SEC14L4: variants seen among roughly 807,000 people sequenced by gnomAD.
The protein encoded by SEC14L4 is SEC14 like lipid binding 4, also known as SEC14-like protein 4.
SEC14L4 carries 42 observed loss-of-function variants against 55.1 expected under a neutral mutation model. That is an observed-to-expected ratio of 0.76 (90% CI 0.60 to 0.99). The LOEUF (loss-of-function observed/expected upper bound fraction) is 0.99. Among genes scored for constraint, SEC14L4 ranks in the 50% least tolerant of loss-of-function variants. SEC14L4 has a pLI of 0.00. For missense variants in SEC14L4, 445 were observed against 512.1 expected (o/e 0.87, Z 1.27); for synonymous variants, 206 against 206.8 (o/e 1.00, Z 0.03).
intron 2 of SEC14L4, among the ~76,000 whole-genome samples, chr22:30,497,517 C>A (rs1936188612): frequency 6.6e-6 from 1 of 150,734 alleles, no homozygotes; most frequent in Non-Finnish European, 1.5e-5. Flanking sequence ...TGAGTGAGAC[C>A]CTGTCTGAAA....
chr22:30,490,965 G>C (rs906295251), intron 11 of SEC14L4, among the ~76,000 whole-genome samples: 1 of 152,178 alleles, frequency 6.6e-6, no homozygotes, highest in African/African-American at 2.4e-5. Flanking sequence ...GAGTCGTGCA[G>C]ACTTGTCTGT....
At chr22:30,497,042 C>T (rs1403060350) in intron 2 of SEC14L4, among the ~76,000 whole-genome samples, 2 of 151,994 alleles carry the variant, frequency 1.3e-5, no homozygotes. Flanking sequence ...TGAAACAGTT[C>T]CAGAAATCAC....
At chr22:30,500,873 C>T (rs558906181) in intron 2 of SEC14L4, among the ~76,000 whole-genome samples, 47 of 142,434 alleles carry the variant, frequency 3.3e-4, no homozygotes, top group African/African-American at 1.1e-3. Flanking sequence ...CTAATGGAAC[C>T]GACAGACAGA....
intron 2 of SEC14L4, among the ~76,000 whole-genome samples, chr22:30,498,977 G>A (rs1936236043): frequency 6.6e-6 from 1 of 151,782 alleles, no homozygotes; most frequent in African/African-American, 2.4e-5. Flanking sequence ...GTCTCGCTCT[G>A]TCGCCCAGGC....
intron 2 of SEC14L4, among the ~76,000 whole-genome samples, chr22:30,496,963 T>C (rs1434494250): frequency 1.3e-5 from 2 of 152,162 alleles, no homozygotes; most frequent in Non-Finnish European, 1.5e-5. Flanking sequence ...GCTGAAACAA[T>C]ATGCGGGGTC....
rs1936081123 is a variant in SEC14L4 at position 30,494,719 on chromosome 22, C to G, written c.519+147G>C. The G allele has an allele frequency of 8.1e-6, 5 of 619,240 alleles. No homozygotes were observed. The East Asian group carries it at 1.1e-4, about 14-fold the overall frequency. The allele number at this position is 619,240 out of a possible 1,614,324, so 38.4% of individuals were successfully genotyped here. A position where few individuals can be genotyped will look rare whatever the true frequency, so the allele number is the denominator to read the frequency against. ...CCCCTTTCTCCGTGGAGGGTGGTCTCTAGGCCAGCATCATTGGCTGGTCTG... is the reference window on the plus strand; with the variant it reads ...CCCCTTTCTCCGTGGAGGGTGGTCTGTAGGCCAGCATCATTGGCTGGTCTG... On this transcript the variant is annotated intron_variant, in intron 6 of 11. Coordinates refer to ENST00000255858, the MANE Select transcript of SEC14L4 (RefSeq NM_174977.4).
Position 30,495,270 on chromosome 22 carries a change from T to C in SEC14L4, c.407A>G (p.Glu136Gly). 6.2e-7 allele frequency: 1 copy of C among 1,611,614 alleles called. No homozygotes were observed. The highest frequency in any genetic ancestry group is 1.7e-4 in the Middle Eastern group (1 of 6,050). Reference sequence around the variant, plus strand: ...GCTGCTCACCTTCTGAGTTTGCAGCTCACACTCATGCAACAGCAGCTCACA... The same window carrying C: ...GCTGCTCACCTTCTGAGTTTGCAGCCCACACTCATGCAACAGCAGCTCACA... ...KVCELLLHEC[E>G]LQTQKLGRKI... is the part of the protein sequence containing the mutation. Residue 136 changes from glutamate to glycine, a missense_variant, in exon 5 of 12, where the codon GAG (glutamate) becomes GGG (glycine). Transcript: ENST00000255858.
intron 1 of SEC14L4, among the ~76,000 whole-genome samples, chr22:30,505,077 A>G (rs1284502026): frequency 1.3e-5 from 2 of 151,648 alleles, no homozygotes; most frequent in East Asian, 3.9e-4. Context: ...GGTTGCAGTG[A>G]ACCGAGATTG....
Position 30,489,870 on chromosome 22 carries a change from C to A in SEC14L4, c.*237G>T. On this transcript the variant is annotated 3_prime_UTR_variant, in exon 12 of 12. Transcript: ENST00000255858. ...TCATCTTCAGCGTTCTCATTCTCAGCCGCATTCTCTGGGAACAGGGAAAGA... is the reference window on the plus strand; with the variant it reads ...TCATCTTCAGCGTTCTCATTCTCAGACGCATTCTCTGGGAACAGGGAAAGA... 1 of 1,551,754 alleles carries A rather than the reference C, an allele frequency of 6.4e-7. No individual in the cohort carries two copies. Among genetic ancestry groups the A allele is most frequent in the South Asian group, 1.2e-5 (1 of 84,066 alleles).
rs373032648 is a variant in SEC14L4, at chr22:30,492,146, T to C, written c.674A>G (p.Lys225Arg). Residue 225 changes from lysine to arginine, a missense_variant, in exon 9 of 12, where the codon AAG becomes AGG. Lys to Arg is a conservative substitution (Grantham distance 26). Coordinates refer to ENST00000255858, the MANE Select transcript of SEC14L4 (RefSeq NM_174977.4). The stretch of plus-strand genomic sequence containing the variant: ...GCTGATGAATTTTGTCAGCTCCTGC[T>C]TCCAGTTGTCTGCATGGGAGCAAGA... Reference protein sequence around the residue: ...RKIVILGDNWKQELTKFISPD... With the variant: ...RKIVILGDNWRQELTKFISPD... 67 of 1,611,658 alleles carry C rather than the reference T, an allele frequency of 4.2e-5. No individual in the cohort carries two copies. The highest frequency in any genetic ancestry group is 5.7e-5 in the Non-Finnish European group (67 of 1,178,850).
intron 2 of SEC14L4, among the ~76,000 whole-genome samples, chr22:30,498,095 G>A (rs986275096): frequency 1.5e-5 from 2 of 131,972 alleles, no homozygotes; most frequent in African/African-American, 2.8e-5. Flanking sequence ...CTTTGTTGCT[G>A]TTTTGAATGG....
intron 1 of SEC14L4, among the ~76,000 whole-genome samples, chr22:30,504,912 C>T (rs1389271341): frequency 1.3e-5 from 2 of 151,958 alleles, no homozygotes; most frequent in Admixed American, 6.6e-5. Context: ...GTCAGGAGTT[C>T]GAGACCAGCC....
In SEC14L4 at chr22:30,495,245, G is replaced by T; in HGVS notation, c.423+9C>A. 1 of 1,596,746 alleles carries T rather than the reference G, an allele frequency of 6.3e-7. No individual in the cohort carries two copies. The highest frequency in any genetic ancestry group is 1.7e-5 in the Admixed American group (1 of 58,866). On this transcript the variant is annotated intron_variant, in intron 5 of 11. Transcript: ENST00000255858. ...ACAGATGAGGCCCAGCCCCACCCCC[G>T]CTGCTCACCTTCTGAGTTTGCAGCT...
chr22:30,491,465 C>T (rs1284421431), intron 11 of SEC14L4, 108 bp downstream of exon 11: 1 of 1,352,906 alleles, frequency 7.4e-7, no homozygotes, highest in East Asian at 2.3e-5. Flanking sequence ...AAGCTGGCTC[C>T]CCTGGAGCTT....
rs374774764 is a variant in SEC14L4, at chr22:30,491,966, T to C, written c.779A>G (p.Tyr260Cys). The stretch of plus-strand genomic sequence containing the variant: ...GTAGCTCTTGGGCACCTCACCCCCA[T>C]AGTTGATCTGTGGGTGAAGGGGGTG... ...GNPKCLTKIN[Y>C]GGEVPKSYYL... The change falls in exon 10 of 12, where the codon TAT (tyrosine) becomes TGT (cysteine). Residue 260 changes from tyrosine to cysteine, a missense_variant. Coordinates refer to ENST00000255858, the MANE Select transcript of SEC14L4 (RefSeq NM_174977.4). The C allele has an allele frequency of 3.6e-5, 58 of 1,613,782 alleles. No homozygotes were observed. The Middle Eastern group carries it at 6.6e-4, about 18-fold the overall frequency.
chr22:30,497,900 G>A (rs117485931), intron 2 of SEC14L4, among the ~76,000 whole-genome samples: 2,665 of 152,198 alleles, frequency 0.018, 51 homozygotes, highest in Middle Eastern at 0.051. Flanking sequence ...CTGAGGCTAC[G>A]GAGCAATAGA....
chr22:30,495,539 G>T (rs377261387), intron 4 of SEC14L4, 44 bp downstream of exon 4: 42 of 1,611,254 alleles, frequency 2.6e-5, no homozygotes, highest in Admixed American at 3.3e-5. Flanking sequence ...GATGTCAGGG[G>T]TGAGGGGCCT....
chr22:30,496,507 A>G (rs1936155429), intron 2 of SEC14L4, among the ~76,000 whole-genome samples: 1 of 152,010 alleles, frequency 6.6e-6, no homozygotes, highest in South Asian at 2.1e-4. Context: ...GTCTTCCTAC[A>G]ACCTTCTGGA....
chr22:30,494,673 C>A (rs753497148), intron 6 of SEC14L4, among the ~76,000 whole-genome samples, 193 bp downstream of exon 6: 2 of 152,164 alleles, frequency 1.3e-5, no homozygotes, highest in East Asian at 1.9e-4. Flanking sequence ...CCACGCCTGG[C>A]CTCTTTGTGT....
Sources: allele counts gnomAD v4.1 joint callset (sites outside exome capture counted in the v4.1 genomes callset), GRCh38; gene constraint gnomAD v4.1.1; transcripts MANE v1.5; gene names NCBI Gene and HGNC (gene_info 2026-07-23, HGNC 2026-07-21).